Variants in SCP2 observed in about 807,000 individuals in gnomAD.
SCP2 encodes SCP-2/3-oxoacyl-CoA thiolase.
In SCP2, 48 loss-of-function variants were observed where a neutral mutation model predicts 71.4. The ratio of observed to expected loss-of-function variants is 0.67; its 90% CI spans 0.53 to 0.86. The LOEUF (loss-of-function observed/expected upper bound fraction) is 0.86. Ranked by LOEUF, SCP2 falls within the 40% of genes least tolerant of loss-of-function variation. The pLI is 0.00. For synonymous variants in SCP2, 220 were observed against 218.1 expected (o/e 1.01, Z -0.08); for missense variants, 560 against 655.6 (o/e 0.85, Z 1.59).
Position 52,988,011 on chromosome 1 carries a change from C to T in SCP2, c.974-18C>T, listed in dbSNP as rs7516939. On this transcript the variant is annotated intron_variant, in intron 10 of 15. Transcript: ENST00000371514. ...TTGTTACTATTAATATTTGTGAATA[C>T]TATTTTTTCTTCTATAGGACAAGGT... 0.18 allele frequency: 215,765 copies of T among 1,210,596 alleles called. 33,123 individuals carry two copies. The highest frequency in any genetic ancestry group is 0.72 in the African/African-American group (47,088 of 65,330). The allele number at this position is 1,210,596 out of a possible 1,614,324, so 75.0% of individuals were successfully genotyped here. A position where few individuals can be genotyped will look rare whatever the true frequency, so the allele number is the denominator to read the frequency against.
At chr1:52,942,953 C>T (rs1181929385) in intron 2 of SCP2, among the ~76,000 whole-genome samples, 2 of 152,162 alleles carry the variant, frequency 1.3e-5, no homozygotes, top group East Asian at 3.9e-4. Context: ...CCACCGACCT[C>T]GGCCTCCCAG....
At chr1:53,046,441 G>A (rs907957111) in intron 14 of SCP2, among the ~76,000 whole-genome samples, 4 of 151,404 alleles carry the variant, frequency 2.6e-5, no homozygotes, top group African/African-American at 9.7e-5. Flanking sequence ...ACTGTTTCAT[G>A]TGTTTCTTGG....
intron 1 of SCP2, among the ~76,000 whole-genome samples, chr1:52,933,250 T>C (rs543489851): frequency 2.1e-4 from 32 of 152,206 alleles, no homozygotes; most frequent in African/African-American, 6.5e-4. Flanking sequence ...TTACCAAAGT[T>C]GAGAAAATTT....
chr1:52,934,592 C>CTTTTTTTTTTTTTTTTTTTTT lies in SCP2; in HGVS notation c.69+7145_69+7165dup, dbSNP rs771433635. ...GTTTCAAATTCTACATTCCAGCTAA[C>CTTTTTTTTTTTTTTTTTTTTT]TTTTTTTTTTTTTTTTTTTTTTTTT... is the stretch of plus-strand genomic sequence containing the variant. On this transcript the variant is annotated intron_variant, in intron 1 of 15. Transcript: ENST00000371514. 6.9e-5 allele frequency among the ~76,000 whole-genome samples: 2 copies of CTTTTTTTTTTTTTTTTTTTTT among 29,036 alleles called. 1 individual carries two copies. Among genetic ancestry groups the CTTTTTTTTTTTTTTTTTTTTT allele is most frequent in the Non-Finnish European group, 1.4e-4 (2 of 14,470 alleles). 19.0% of individuals were successfully genotyped at this position (29,036 alleles called of 152,430 possible).
chr1:53,014,622 C>A (rs962663915), intron 11 of SCP2, among the ~76,000 whole-genome samples: 1 of 152,134 alleles, frequency 6.6e-6, no homozygotes, highest in Non-Finnish European at 1.5e-5. Context: ...TATTTTTATG[C>A]CATTTTCCCT....
chr1:52,975,950 A>G (rs1249272562), intron 7 of SCP2, among the ~76,000 whole-genome samples: 1 of 152,198 alleles, frequency 6.6e-6, no homozygotes, highest in African/African-American at 2.4e-5. Flanking sequence ...CCACAAATCC[A>G]GGGGCTCCCA....
At chr1:53,020,920 C>G (rs1661674013) in intron 12 of SCP2, among the ~76,000 whole-genome samples, 1 of 152,164 alleles carries the variant, frequency 6.6e-6, no homozygotes. Flanking sequence ...TCAGAACAAA[C>G]TGATTACTGG....
chr1:53,033,608 A>T (rs1325610499), intron 13 of SCP2, among the ~76,000 whole-genome samples: 1 of 112,806 alleles, frequency 8.9e-6, no homozygotes, highest in Non-Finnish European at 1.7e-5. Flanking sequence ...CCATTTCAAA[A>T]AAAAAAAAAA....
At chr1:53,040,640 G>A (rs1663350866) in intron 14 of SCP2, among the ~76,000 whole-genome samples, 1 of 152,094 alleles carries the variant, frequency 6.6e-6, no homozygotes, top group Non-Finnish European at 1.5e-5. Flanking sequence ...AGAATGGTGT[G>A]AACCCAGGAG....
At chr1:52,958,969 C>T (rs1352350770) in intron 5 of SCP2, among the ~76,000 whole-genome samples, 2 of 152,142 alleles carry the variant, frequency 1.3e-5, no homozygotes, top group Admixed American at 6.5e-5. Flanking sequence ...AAGTGATCTG[C>T]CCACCTTGGC....
intron 12 of SCP2, among the ~76,000 whole-genome samples, chr1:53,020,894 G>C (rs1052630516): frequency 2.6e-5 from 4 of 152,132 alleles, no homozygotes; most frequent in African/African-American, 9.7e-5. Context: ...TACGCGTACT[G>C]TACGACCGTC....
intron 13 of SCP2, among the ~76,000 whole-genome samples, chr1:53,035,634 G>A (rs1008724549): frequency 6.6e-5 from 10 of 152,114 alleles, no homozygotes; most frequent in African/African-American, 2.4e-4. Flanking sequence ...ATTTGGAAGA[G>A]AAGAATTATA....
At chr1:52,999,559 A>T (rs926777158) in intron 11 of SCP2, among the ~76,000 whole-genome samples, 1 of 152,212 alleles carries the variant, frequency 6.6e-6, no homozygotes, top group African/African-American at 2.4e-5. Flanking sequence ...TCTACCTGCC[A>T]TAACAGTATC....
intron 14 of SCP2, 43 bp from the exon 15 acceptor site, chr1:53,047,815 A>G: frequency 7.4e-7 from 1 of 1,358,398 alleles, no homozygotes; most frequent in Non-Finnish European, 1.1e-6. Context: ...TGTGAAACTG[A>G]ACACCTCCTA....
At chr1:53,038,742 G>A (rs987260377) in intron 13 of SCP2, among the ~76,000 whole-genome samples, 175 bp from the exon 14 acceptor site, 3 of 152,126 alleles carry the variant, frequency 2.0e-5, no homozygotes, top group African/African-American at 7.2e-5. Flanking sequence ...GGCAGATGTG[G>A]GAGTTGTTGC....
At chr1:53,031,642 T>G (rs1662552191) in intron 13 of SCP2, among the ~76,000 whole-genome samples, 1 of 152,264 alleles carries the variant, frequency 6.6e-6, no homozygotes, top group Non-Finnish European at 1.5e-5. Context: ...TCAGTACTAA[T>G]GATCTCCAAT....
At chr1:53,005,463 A>T (rs1445352860) in intron 11 of SCP2, among the ~76,000 whole-genome samples, 4 of 152,212 alleles carry the variant, frequency 2.6e-5, no homozygotes, top group African/African-American at 9.7e-5. Context: ...GCTGTTCTGC[A>T]ATATTTGGTG....
At chr1:52,973,799 A>C (rs1346743159) in intron 6 of SCP2, among the ~76,000 whole-genome samples, 1 of 152,182 alleles carries the variant, frequency 6.6e-6, no homozygotes, top group East Asian at 1.9e-4. Context: ...ACAGAGTCTC[A>C]CCATGTTGAC....
chr1:52,943,245 C>T (rs1430019020), intron 2 of SCP2, among the ~76,000 whole-genome samples: 5 of 147,186 alleles, frequency 3.4e-5, no homozygotes, highest in Admixed American at 6.8e-5. Flanking sequence ...TTTTTTGAGA[C>T]GGAGTCTTGC....
Sources: allele counts gnomAD v4.1 joint callset (sites outside exome capture counted in the v4.1 genomes callset), GRCh38; gene constraint gnomAD v4.1.1; transcripts MANE v1.5; gene names NCBI Gene and HGNC (gene_info 2026-07-23, HGNC 2026-07-21).